The following DLG2 variants were observed in gnomAD, a reference collection of about 807,000 sequenced individuals.
The protein encoded by DLG2 is disks large homolog 2.
A neutral mutation model predicts 132.5 loss-of-function variants in DLG2; 45 were observed. The ratio of observed to expected loss-of-function variants is 0.34; its 90% CI spans 0.27 to 0.44. The LOEUF is 0.44. Ranked by LOEUF, DLG2 falls within the 20% of genes least tolerant of loss-of-function variation. The pLI is 1.00. For missense variants in DLG2, 1,045 were observed against 1,196.9 expected (o/e 0.87, Z 1.87); for synonymous variants, 424 against 419.6 (o/e 1.01, Z -0.13).
intron 6 of DLG2, among the ~76,000 whole-genome samples, chr11:84,815,289 G>C (rs1171425111): frequency 2.0e-5 from 3 of 152,080 alleles, no homozygotes; most frequent in African/African-American, 7.2e-5. Context: ...AAGTAACTTA[G>C]AGAAACTAGA....
chr11:84,957,391 T>C (rs776167379), intron 6 of DLG2, among the ~76,000 whole-genome samples: 14 of 152,238 alleles, frequency 9.2e-5, no homozygotes, highest in African/African-American at 3.4e-4. Flanking sequence ...CCACATTATA[T>C]GTGATATTTA....
intron 3 of DLG2, among the ~76,000 whole-genome samples, chr11:85,376,006 C>T (rs1234874308): frequency 6.6e-6 from 1 of 152,130 alleles, no homozygotes; most frequent in Non-Finnish European, 1.5e-5. Flanking sequence ...TAATATTTTA[C>T]ATTTGTATAT....
intron 19 of DLG2, among the ~76,000 whole-genome samples, chr11:83,618,833 A>C (rs1414526911): frequency 6.6e-6 from 1 of 152,218 alleles, no homozygotes; most frequent in Non-Finnish European, 1.5e-5. Flanking sequence ...AAGAGACTCC[A>C]TCATAGTTAG....
intron 6 of DLG2, among the ~76,000 whole-genome samples, chr11:84,949,672 C>T (rs539789502): frequency 1.8e-3 from 269 of 152,268 alleles, no homozygotes; most frequent in African/African-American, 6.3e-3. Context: ...CCTGGCTCAC[C>T]GGCAGTCAGA....
chr11:85,297,202 A>G (rs894411611), intron 3 of DLG2, among the ~76,000 whole-genome samples: 1 of 152,160 alleles, frequency 6.6e-6, no homozygotes, highest in African/African-American at 2.4e-5. Flanking sequence ...CAAAGTACAG[A>G]TTAGAAAATA....
Position 85,400,026 on chromosome 11 carries a change from T to C in DLG2, c.41-114661A>G, listed in dbSNP as rs2087886500. 5.3e-5 allele frequency among the ~76,000 whole-genome samples: 8 copies of C among 152,126 alleles called. 1 individual carries two copies. The South Asian group carries it at 1.7e-3, about 32-fold the overall frequency. On this transcript the variant is annotated intron_variant, in intron 3 of 27. Coordinates refer to ENST00000376104, the MANE Select transcript of DLG2 (RefSeq NM_001142699.3). ...AAAATGGGAGAAAATTTTCACATCC[T>C]ACTCATCTGACAAAGGGCTAATATC... is the stretch of plus-strand genomic sequence containing the variant.
At chr11:85,140,209 T>C (rs1305414191) in intron 5 of DLG2, among the ~76,000 whole-genome samples, 2 of 151,994 alleles carry the variant, frequency 1.3e-5, no homozygotes, top group East Asian at 1.9e-4. Flanking sequence ...TACAGTGTTG[T>C]ATCTTCAGTT....
At chr11:83,686,927 T>C (rs960985643) in intron 18 of DLG2, among the ~76,000 whole-genome samples, 1 of 152,164 alleles carries the variant, frequency 6.6e-6, no homozygotes, top group Non-Finnish European at 1.5e-5. Flanking sequence ...CAGATGTTAT[T>C]AGTTAAGATG....
At chr11:84,704,500 T>C (rs1291935067) in intron 6 of DLG2, among the ~76,000 whole-genome samples, 1 of 151,480 alleles carries the variant, frequency 6.6e-6, no homozygotes, top group African/African-American at 2.4e-5. Context: ...CATTCCTTCA[T>C]GTATACAACA....
intron 6 of DLG2, among the ~76,000 whole-genome samples, chr11:84,845,136 A>G (rs974596502): frequency 4.6e-5 from 7 of 152,180 alleles, no homozygotes; most frequent in African/African-American, 1.7e-4. Flanking sequence ...GTGTGACAGA[A>G]TATCTCAGGA....
chr11:85,171,976 G>A (rs1028710887), intron 4 of DLG2, among the ~76,000 whole-genome samples: 2 of 152,226 alleles, frequency 1.3e-5, no homozygotes, highest in Non-Finnish European at 2.9e-5. Context: ...TGAAGCCCCA[G>A]GGGGAAGTGG....
At chr11:84,775,714 T>A (rs537256643) in intron 6 of DLG2, among the ~76,000 whole-genome samples, 2 of 152,020 alleles carry the variant, frequency 1.3e-5, no homozygotes, top group African/African-American at 4.8e-5. Flanking sequence ...GAGTTATACA[T>A]GGCAACAATA....
chr11:84,383,797 C>G (rs942049663), intron 7 of DLG2, among the ~76,000 whole-genome samples: 2 of 152,016 alleles, frequency 1.3e-5, no homozygotes. Flanking sequence ...GCCAGTGAGA[C>G]AATGAAGCAG....
At chr11:85,121,369 T>C (rs2074293795) in intron 5 of DLG2, among the ~76,000 whole-genome samples, 1 of 150,936 alleles carries the variant, frequency 6.6e-6, no homozygotes, top group African/African-American at 2.4e-5. Flanking sequence ...ATTGTTATTC[T>C]TTTATAGTAT....
intron 3 of DLG2, among the ~76,000 whole-genome samples, chr11:85,386,925 G>T (rs1266808284): frequency 1.0e-4 from 14 of 140,596 alleles, no homozygotes; most frequent in African/African-American, 5.3e-5. Context: ...ATGGAGTTTT[G>T]CTCTTGTCAC....
chr11:85,071,334 T>C (rs1269076372), intron 6 of DLG2, among the ~76,000 whole-genome samples: 2 of 151,870 alleles, frequency 1.3e-5, no homozygotes, highest in Admixed American at 1.3e-4. Flanking sequence ...GTTGCATAAG[T>C]TGACTCCAAG....
At chr11:84,716,007 C>T (rs1288427738) in intron 6 of DLG2, among the ~76,000 whole-genome samples, 1 of 152,030 alleles carries the variant, frequency 6.6e-6, no homozygotes, top group East Asian at 1.9e-4. Flanking sequence ...ATAATTATCA[C>T]ACTAATTTAC....
At chr11:83,721,110 T>C (rs1029503201) in intron 18 of DLG2, 4 of 152,154 alleles carry the variant, frequency 2.6e-5, no homozygotes, top group Non-Finnish European at 4.4e-5. Flanking sequence ...AGACATGCTT[T>C]AACCAGCTAT....
At chr11:85,441,693 A>C (rs1240666162) in intron 3 of DLG2, among the ~76,000 whole-genome samples, 1 of 152,196 alleles carries the variant, frequency 6.6e-6, no homozygotes, top group Non-Finnish European at 1.5e-5. Context: ...AAGTGTGGTA[A>C]ATGCTATGAT....
Sources: gnomAD v4.1 joint callset for allele counts (sites outside exome capture counted in the v4.1 genomes callset) on GRCh38, gnomAD v4.1.1 for gene constraint, MANE v1.5 for transcripts, NCBI Gene and HGNC (gene_info 2026-07-23, HGNC 2026-07-21) for gene names.